Variants in TAFA5 observed in about 807,000 individuals in gnomAD.
TAFA5 encodes chemokine-like protein TAFA-5.
A neutral mutation model predicts 15.3 loss-of-function variants in TAFA5; 6 were observed. The observed-to-expected ratio is 0.39, with a 90% CI of 0.21 to 0.77. The LOEUF is 0.77. Among genes scored for constraint, TAFA5 ranks in the 30% least tolerant of loss-of-function variants. The pLI, the probability that TAFA5 is intolerant of heterozygous loss-of-function variation, is 0.41. For synonymous variants in TAFA5, 103 were observed against 80.7 expected (o/e 1.28, Z -1.48); for missense variants, 161 against 193.1 (o/e 0.83, Z 0.98).
At chr22:48,737,579 AG>A (rs1231547785) in intron 3 of TAFA5, among the ~76,000 whole-genome samples, 1 of 152,200 alleles carries the variant, frequency 6.6e-6, no homozygotes, top group African/African-American at 2.4e-5. Context: ...GCCTGGGCAC[AG>A]GGACAGAGCT....
intron 1 of TAFA5, among the ~76,000 whole-genome samples, chr22:48,563,105 T>A (rs1288498619): frequency 1.3e-5 from 2 of 152,192 alleles, no homozygotes; most frequent in African/African-American, 4.8e-5. Context: ...TTCTCTGACA[T>A]TTAGCAAACA....
intron 3 of TAFA5, among the ~76,000 whole-genome samples, chr22:48,725,931 G>A (rs1038500557): frequency 5.9e-5 from 9 of 152,102 alleles, no homozygotes; most frequent in African/African-American, 1.7e-4. Context: ...AACTGCCAAC[G>A]AAAAACCAAA....
At chr22:48,650,526 TTGAGGGATGA>T (rs1927015681) in intron 2 of TAFA5, among the ~76,000 whole-genome samples, 1 of 152,090 alleles carries the variant, frequency 6.6e-6, no homozygotes, top group Non-Finnish European at 1.5e-5. Context: ...GAATAGGGTA[TTGAGGGATGA>T]TGAGGAGCTC....
At chr22:48,645,676 C>A (rs1247483946) in intron 1 of TAFA5, among the ~76,000 whole-genome samples, 1 of 152,054 alleles carries the variant, frequency 6.6e-6, no homozygotes, top group African/African-American at 2.4e-5. Context: ...ATGCAGGGTG[C>A]TCCTGTGGGA....
At chr22:48,663,425 G>A (rs9628589) in intron 2 of TAFA5, among the ~76,000 whole-genome samples, 43,472 of 151,938 alleles carry the variant, frequency 0.29, 6,750 homozygotes, top group African/African-American at 0.41. Flanking sequence ...GCAACTGTAG[G>A]CAAAGGGCAA....
At position 48,497,331 on chromosome 22, in the gene TAFA5, G is replaced by A. The variant is rs186052314; in HGVS notation, c.112+7627G>A. Among the ~76,000 whole-genome samples the A allele has an allele frequency of 5.3e-5, 8 of 152,312 alleles. No homozygotes were observed. In the East Asian group the frequency reaches 1.2e-3, roughly 22 times the overall value. Reference sequence around the variant, plus strand: ...GTTCTTCCATCTTCAGGGATGCTCCGCAGCCTCGCTGCTGGTTTCTGGGCC... The same window carrying A: ...GTTCTTCCATCTTCAGGGATGCTCCACAGCCTCGCTGCTGGTTTCTGGGCC... On this transcript the variant is annotated intron_variant, in intron 1 of 3. Coordinates refer to ENST00000402357, the MANE Select transcript of TAFA5 (RefSeq NM_001082967.3).
At chr22:48,724,291 C>T (rs1929654375) in intron 3 of TAFA5, among the ~76,000 whole-genome samples, 1 of 152,200 alleles carries the variant, frequency 6.6e-6, no homozygotes, top group Non-Finnish European at 1.5e-5. Flanking sequence ...GTAGTCATGG[C>T]CATGTGGCTT....
At chr22:48,665,130 G>A (rs1927567447) in intron 2 of TAFA5, among the ~76,000 whole-genome samples, 1 of 152,184 alleles carries the variant, frequency 6.6e-6, no homozygotes, top group Non-Finnish European at 1.5e-5. Flanking sequence ...TGAGCCTACG[G>A]TGTTTCGTGG....
chr22:48,635,460 C>T (rs542891032), intron 1 of TAFA5, among the ~76,000 whole-genome samples: 35 of 152,358 alleles, frequency 2.3e-4, no homozygotes, highest in Non-Finnish European at 2.9e-5. Flanking sequence ...ACCCAGGGGG[C>T]CCAGAACCTT....
chr22:48,516,621 C>T (rs1921417046), intron 1 of TAFA5, among the ~76,000 whole-genome samples: 1 of 152,252 alleles, frequency 6.6e-6, no homozygotes, highest in Non-Finnish European at 1.5e-5. Context: ...CTGCACAGGA[C>T]GTCTCTACTG....
intron 1 of TAFA5, among the ~76,000 whole-genome samples, chr22:48,572,545 C>A: frequency 6.6e-6 from 1 of 152,218 alleles, no homozygotes; most frequent in East Asian, 1.9e-4. Context: ...GTCCTTAACT[C>A]TGCTCTGCCC....
In TAFA5 at chr22:48,574,601, T is replaced by A. The variant is rs1183576162; in HGVS notation, c.113-71996T>A. Among the ~76,000 whole-genome samples the A allele has an allele frequency of 2.0e-5, 3 of 152,180 alleles. No individual in the cohort carries two copies. In the East Asian group the frequency reaches 5.8e-4, roughly 29 times the overall value. On this transcript the variant is annotated intron_variant, in intron 1 of 3. Coordinates refer to ENST00000402357, the MANE Select transcript of TAFA5 (RefSeq NM_001082967.3). Reference sequence around the variant, plus strand: ...GGAGACAGCCTTCATGTGAACCACATGCACCGCGGGCACCAGCACTGCCCC... The same window carrying A: ...GGAGACAGCCTTCATGTGAACCACAAGCACCGCGGGCACCAGCACTGCCCC...
chr22:48,509,727 G>A (rs977948478), intron 1 of TAFA5, among the ~76,000 whole-genome samples: 5 of 152,096 alleles, frequency 3.3e-5, no homozygotes, highest in Admixed American at 2.0e-4. Flanking sequence ...TGAGGCGGGC[G>A]GATCACGAGG....
chr22:48,559,840 C>T (rs1486803689), intron 1 of TAFA5, among the ~76,000 whole-genome samples: 1 of 152,142 alleles, frequency 6.6e-6, no homozygotes, highest in Non-Finnish European at 1.5e-5. Context: ...AGGGGCAGCG[C>T]CACAGGCCCG....
In TAFA5 at chr22:48,742,466, CGGAGCTGGCGGCGCAGT is replaced by C. The variant is rs1930206666; in HGVS notation, c.391-7367_391-7351del. Among the ~76,000 whole-genome samples, 1 of 152,116 alleles carries C rather than the reference CGGAGCTGGCGGCGCAGT, an allele frequency of 6.6e-6. No individual in the cohort carries two copies. Among genetic ancestry groups the C allele is most frequent in the African/African-American group, 2.4e-5 (1 of 41,412 alleles). On this transcript the variant is annotated intron_variant, in intron 3 of 3. Transcript: ENST00000402357. The surrounding 1 kb of genome is among the most constrained non-coding windows in gnomAD (Gnocchi z 6.2). ...GGGTGGAGCGGGTGGTGCTGTGTGG[CGGAGCTGGCGGCGCAGT>C]GGAGCGGGCGTTGTGGTGGACCCGG...
chr22:48,716,779 G>A (rs927491640), intron 3 of TAFA5, among the ~76,000 whole-genome samples: 2 of 152,130 alleles, frequency 1.3e-5, no homozygotes, highest in African/African-American at 4.8e-5. Flanking sequence ...ATGTACATAT[G>A]GTATGCCTAT....
intron 1 of TAFA5, among the ~76,000 whole-genome samples, chr22:48,542,632 T>G: frequency 1.7e-5 from 2 of 116,128 alleles, no homozygotes; most frequent in Admixed American, 8.9e-5. Context: ...TGTGTGTGGG[T>G]GTGTGATGTG....
chr22:48,716,503 C>T (rs1276304833), intron 3 of TAFA5, among the ~76,000 whole-genome samples: 1 of 152,148 alleles, frequency 6.6e-6, no homozygotes, highest in Non-Finnish European at 1.5e-5. Flanking sequence ...GAACATCACA[C>T]ACCAGGGCCT....
chr22:48,699,809 T>A (rs1201176128), intron 2 of TAFA5, among the ~76,000 whole-genome samples: 1 of 152,222 alleles, frequency 6.6e-6, no homozygotes, highest in Non-Finnish European at 1.5e-5. Flanking sequence ...GCATATTTAC[T>A]GCTGCACTTA....
Sources: allele counts gnomAD v4.1 joint callset (sites outside exome capture counted in the v4.1 genomes callset), GRCh38; gene constraint gnomAD v4.1.1; non-coding constraint Gnocchi (gnomAD v3.1); transcripts MANE v1.5; gene names NCBI Gene and HGNC (gene_info 2026-07-23, HGNC 2026-07-21).